LRRFIP1: variants seen among roughly 807,000 people sequenced by gnomAD.
The protein encoded by LRRFIP1 is leucine-rich repeat flightless-interacting protein 1.
A neutral mutation model predicts 104.4 loss-of-function variants in LRRFIP1; 62 were observed. The observed-to-expected ratio is 0.59, with a 90% CI of 0.48 to 0.73. The LOEUF (loss-of-function observed/expected upper bound fraction) is 0.73, where lower values mean the gene tolerates loss of function less well. Ranked by LOEUF, LRRFIP1 falls within the 30% of genes least tolerant of loss-of-function variation. The probability of loss-of-function intolerance (pLI) is 0.00; values close to 1 mark genes in which losing one functional copy is unlikely to be tolerated. For synonymous variants in LRRFIP1, 300 were observed against 299.0 expected (o/e 1.00, Z -0.03); for missense variants, 796 against 824.5 (o/e 0.97, Z 0.42).
intron 11 of LRRFIP1, among the ~76,000 whole-genome samples, chr2:237,745,518 T>C (rs2057723287): frequency 1.3e-5 from 2 of 152,176 alleles, no homozygotes; most frequent in African/African-American, 4.8e-5. Context: ...TTATTTGATA[T>C]TTTACAAATT....
At chr2:237,673,643 T>G (rs1321921538) in intron 1 of LRRFIP1, among the ~76,000 whole-genome samples, 2 of 152,196 alleles carry the variant, frequency 1.3e-5, no homozygotes, top group Non-Finnish European at 2.9e-5. Context: ...GCGGAGGCCC[T>G]GGGTCCGTGT....
intron 11 of LRRFIP1, among the ~76,000 whole-genome samples, chr2:237,741,418 A>G (rs1298043720): frequency 6.6e-6 from 1 of 152,222 alleles, no homozygotes; most frequent in Admixed American, 6.5e-5. Context: ...TCTATAGTAG[A>G]GCAATAAACA....
intron 1 of LRRFIP1, among the ~76,000 whole-genome samples, chr2:237,681,118 C>G (rs577815146): frequency 1.3e-5 from 2 of 152,354 alleles, no homozygotes; most frequent in Non-Finnish European, 1.5e-5. Flanking sequence ...TTGTAGCCCA[C>G]AGCTTCTTTA....
chr2:237,629,504 C>T (rs1006116460), intron 1 of LRRFIP1, among the ~76,000 whole-genome samples: 9 of 137,706 alleles, frequency 6.5e-5, no homozygotes, highest in African/African-American at 1.7e-4. Flanking sequence ...CACAGTCTCA[C>T]TCTGTTGCCC....
intron 1 of LRRFIP1, among the ~76,000 whole-genome samples, chr2:237,635,680 C>T (rs989440376): frequency 7.9e-5 from 12 of 151,910 alleles, no homozygotes; most frequent in Non-Finnish European, 1.3e-4. Context: ...TTTTATTTAG[C>T]TGGGCATGGT....
rs367862491 is a variant in LRRFIP1 at position 237,717,377 on chromosome 2, C to T, written c.202-385C>T. ...ATGGCTCTGAGCTTCTGCTTCTCTTCGATGGTGTTTTATTCCTTCATCGCG... is the reference window on the plus strand; with the variant it reads ...ATGGCTCTGAGCTTCTGCTTCTCTTTGATGGTGTTTTATTCCTTCATCGCG... On this transcript the variant is annotated intron_variant, in intron 3 of 23. Transcript: ENST00000308482. The surrounding 1 kb of genome is among the most constrained non-coding windows in gnomAD (Gnocchi z 4.2). Among the ~76,000 whole-genome samples, 66 of 152,326 alleles carry T rather than the reference C, an allele frequency of 4.3e-4. No individual in the cohort carries two copies. Among genetic ancestry groups the T allele is most frequent in the African/African-American group, 1.5e-3 (63 of 41,578 alleles).
chr2:237,765,985 G>C, intron 19 of LRRFIP1: 8 of 902,082 alleles, frequency 8.9e-6, no homozygotes, highest in Non-Finnish European at 1.1e-5. Context: ...TACCACCTTT[G>C]AGTAATATCT....
At chr2:237,733,698 C>A (rs141929901) in intron 8 of LRRFIP1, 76 bp from the exon 9 acceptor site, 6 of 1,409,584 alleles carry the variant, frequency 4.3e-6, no homozygotes, top group Non-Finnish European at 6.0e-6. Flanking sequence ...CTGAAACTAT[C>A]GTGATGGCCT....
At position 237,711,239 on chromosome 2, in the gene LRRFIP1, C is replaced by A. The variant is rs189570451; in HGVS notation, c.183+2609C>A. On this transcript the variant is annotated intron_variant, in intron 2 of 23. Coordinates refer to ENST00000308482, the MANE Select transcript of LRRFIP1 (RefSeq NM_001137550.2). This position sits in a 1 kb window ranked among gnomAD's most constrained non-coding sequence, Gnocchi z 4.4. ...CATCTGATGAAATCGGGAAGTCTCA[C>A]GTAAAACGCCATGGTTTGCCTTCTT... Among the ~76,000 whole-genome samples the A allele has an allele frequency of 5.9e-5, 9 of 152,308 alleles. No individual in the cohort carries two copies. The highest frequency in any genetic ancestry group is 5.9e-4 in the Admixed American group (9 of 15,304).
chr2:237,730,876 C>T (rs938604285), intron 8 of LRRFIP1, among the ~76,000 whole-genome samples: 1 of 152,172 alleles, frequency 6.6e-6, no homozygotes, highest in East Asian at 1.9e-4. Flanking sequence ...CAAGATTGCA[C>T]CACTGCACTC....
In LRRFIP1 at chr2:237,735,412, C is replaced by G; in HGVS notation, c.555+79C>G. 7.3e-7 allele frequency: 1 copy of G among 1,360,590 alleles called. No homozygotes were observed. 84.3% of individuals were successfully genotyped at this position (1,360,590 alleles called of 1,614,324 possible). The stretch of plus-strand genomic sequence containing the variant: ...GGATGCTCGCTGGGCAGGGTCCAGC[C>G]GTGGGGGGTGACTGGCCATTCTCAG... On this transcript the variant is annotated intron_variant, in intron 10 of 23. Transcript: ENST00000308482. The surrounding 1 kb of genome is among the most constrained non-coding windows in gnomAD (Gnocchi z 4.6).
At chr2:237,729,955 G>A (rs936527846) in intron 8 of LRRFIP1, 6 of 429,202 alleles carry the variant, frequency 1.4e-5, no homozygotes, top group East Asian at 1.6e-4. Flanking sequence ...TCTGTTTGAC[G>A]GATTTTTGTT....
intron 13 of LRRFIP1, 41 bp from the exon 14 acceptor site, chr2:237,751,159 T>C (rs1178099030): frequency 7.1e-7 from 1 of 1,418,132 alleles, no homozygotes; most frequent in Non-Finnish European, 9.8e-7. Context: ...AATCACCTGT[T>C]TTCCCTTGAC....
At chr2:237,733,959 G>C (rs2095134245) in intron 9 of LRRFIP1, 141 bp downstream of exon 9, 1 of 842,928 alleles carries the variant, frequency 1.2e-6, no homozygotes, top group East Asian at 2.6e-5. Flanking sequence ...ACATGTGCCA[G>C]TGGGGAATGT....
intron 1 of LRRFIP1, among the ~76,000 whole-genome samples, chr2:237,687,278 G>A (rs190966277): frequency 2.6e-5 from 4 of 152,306 alleles, no homozygotes; most frequent in Admixed American, 6.5e-5. Context: ...TGAGCCACAC[G>A]TATAACAGAT....
intron 15 of LRRFIP1, among the ~76,000 whole-genome samples, chr2:237,755,657 G>A (rs1463015562): frequency 2.6e-5 from 4 of 152,264 alleles, no homozygotes; most frequent in Non-Finnish European, 4.4e-5. Flanking sequence ...TTGAAGGCCA[G>A]GTGCAGTGGC....
intron 12 of LRRFIP1, among the ~76,000 whole-genome samples, 193 bp downstream of exon 12, chr2:237,748,592 TGTAGA>T (rs1380613483): frequency 2.0e-5 from 3 of 152,064 alleles, no homozygotes; most frequent in Non-Finnish European, 4.4e-5. Flanking sequence ...CGTTAGATCC[TGTAGA>T]GCAGGGAGGC....
At position 237,760,159 on chromosome 2, in the gene LRRFIP1, A is replaced by G. The variant is rs3213868; in HGVS notation, c.1413A>G (p.Thr471=). The change falls in exon 19 of 24, where the codon ACA becomes ACG. Residue 471 remains threonine, a synonymous_variant. Coordinates refer to ENST00000308482, the MANE Select transcript of LRRFIP1 (RefSeq NM_001137550.2). The part of the protein sequence containing the change: ...NVGYQGPTKM[T]KEELNALKST... ...GATACCAAGGTCCTACCAAGATGAC[A>G]AAAGAAGAGTTAAATGCCCTCAAGT... 0.26 allele frequency: 418,790 copies of G among 1,613,036 alleles called. 58,548 individuals carry two copies. The highest frequency in any genetic ancestry group is 0.56 in the East Asian group (25,122 of 44,848).
At chr2:237,716,992 T>C (rs2094356515) in intron 3 of LRRFIP1, among the ~76,000 whole-genome samples, 1 of 152,110 alleles carries the variant, frequency 6.6e-6, no homozygotes, top group Non-Finnish European at 1.5e-5. Flanking sequence ...GTAAACTCTT[T>C]TAAAACATTA....
Sources: allele counts gnomAD v4.1 joint callset (sites outside exome capture counted in the v4.1 genomes callset), GRCh38; gene constraint gnomAD v4.1.1; non-coding constraint Gnocchi (gnomAD v3.1); transcripts MANE v1.5; gene names NCBI Gene and HGNC (gene_info 2026-07-23, HGNC 2026-07-21).